Variants in EFCAB5 observed in about 807,000 individuals in gnomAD.
The protein encoded by EFCAB5 is EF-hand calcium binding domain 5, also known as EF-hand calcium-binding domain-containing protein 5.
A neutral mutation model predicts 167.9 loss-of-function variants in EFCAB5; 131 were observed. The observed-to-expected ratio is 0.78, with a 90% CI of 0.68 to 0.90. EFCAB5 has a LOEUF of 0.90. EFCAB5 is among the 40% of genes least tolerant of loss of function. The pLI is 0.00. For synonymous variants in EFCAB5, 574 were observed against 602.8 expected, an observed-to-expected ratio of 0.95 and a Z score of 0.70; for missense variants, 1,663 against 1,745.2, an observed-to-expected ratio of 0.95 and a Z score of 0.84.
chr17:30,103,892 T>A (rs984932403), intron 22 of EFCAB5, among the ~76,000 whole-genome samples: 3 of 152,088 alleles, frequency 2.0e-5, no homozygotes, highest in Non-Finnish European at 2.9e-5. Flanking sequence ...ATGCCTGTAG[T>A]CCCAACTACT....
chr17:30,026,870 C>G (rs888885244), intron 7 of EFCAB5, among the ~76,000 whole-genome samples: 1 of 150,670 alleles, frequency 6.6e-6, no homozygotes, highest in Non-Finnish European at 1.5e-5. Flanking sequence ...ACCGCTATGC[C>G]CAGCAGGGGG....
intron 14 of EFCAB5, among the ~76,000 whole-genome samples, chr17:30,066,633 G>A (rs2070579020): frequency 6.6e-6 from 1 of 151,774 alleles, no homozygotes; most frequent in Non-Finnish European, 1.5e-5. Context: ...GAATAAACCA[G>A]ACCCAAAACT....
chr17:29,946,811 C>T (rs112551085), intron 3 of EFCAB5, among the ~76,000 whole-genome samples: 11 of 152,128 alleles, frequency 7.2e-5, no homozygotes, highest in African/African-American at 2.6e-4. Context: ...TGGGTATCTA[C>T]CCAAAAGAAA....
At chr17:30,073,841 G>A (rs2070807208) in intron 14 of EFCAB5, 1 of 429,780 alleles carries the variant, frequency 2.3e-6, no homozygotes, top group African/African-American at 2.0e-5. Flanking sequence ...CAGGAAGATT[G>A]CTTGAGCCCA....
chr17:30,019,449 T>C (rs572511304), intron 7 of EFCAB5, among the ~76,000 whole-genome samples: 18 of 146,618 alleles, frequency 1.2e-4, no homozygotes, highest in South Asian at 4.3e-4. Flanking sequence ...CCCTCTCTCT[T>C]TTTTTTTTTT....
At chr17:30,054,246 C>A in intron 10 of EFCAB5, 98 bp downstream of exon 10, 1 of 1,422,642 alleles carries the variant, frequency 7.0e-7, no homozygotes, top group South Asian at 1.6e-5. Context: ...AATTTTTTTT[C>A]TGGCATATCA....
intron 14 of EFCAB5, chr17:30,074,320 A>G (rs2070824544): frequency 6.6e-6 from 1 of 152,106 alleles, no homozygotes; most frequent in Non-Finnish European, 1.5e-5. Context: ...CTTTTTGTAG[A>G]GACAAGGTCT....
At chr17:30,102,531 C>T (rs901600541) in intron 22 of EFCAB5, among the ~76,000 whole-genome samples, 11 of 152,178 alleles carry the variant, frequency 7.2e-5, no homozygotes, top group African/African-American at 2.4e-4. Flanking sequence ...CCACCATACC[C>T]GGCCCTTATG....
At chr17:30,081,569 T>C (rs569784031) in intron 17 of EFCAB5, among the ~76,000 whole-genome samples, 3 of 152,330 alleles carry the variant, frequency 2.0e-5, no homozygotes, top group African/African-American at 7.2e-5. Context: ...GGATAGAACT[T>C]GCAATAAAGG....
chr17:30,060,551 A>C (rs1308860242), intron 14 of EFCAB5, among the ~76,000 whole-genome samples: 1 of 152,130 alleles, frequency 6.6e-6, no homozygotes, highest in Non-Finnish European at 1.5e-5. Flanking sequence ...TCAGTTTTTA[A>C]AGTATATAGT....
At chr17:30,042,383 A>G (rs929458260) in intron 8 of EFCAB5, among the ~76,000 whole-genome samples, 2 of 152,120 alleles carry the variant, frequency 1.3e-5, no homozygotes, top group Non-Finnish European at 2.9e-5. Context: ...TATTCATTTT[A>G]TTGCCATTGT....
At chr17:30,085,707 G>A (rs2071075375) in intron 18 of EFCAB5, among the ~76,000 whole-genome samples, 2 of 141,358 alleles carry the variant, frequency 1.4e-5, no homozygotes, top group African/African-American at 2.7e-5. Flanking sequence ...GCGACACAGC[G>A]AGACTCCGTC....
chr17:29,969,150 C>A lies in EFCAB5; in HGVS notation c.550C>A (p.Pro184Thr), dbSNP rs143150190. 1,253 of 1,613,788 alleles carry A rather than the reference C, an allele frequency of 7.8e-4. 9 individuals are homozygous for A. The African/African-American group carries it at 0.014, about 18-fold the overall frequency. Residue 184 changes from proline (P) to threonine (T), a missense_variant, in exon 4 of 23, where the codon CCT becomes ACT. Coordinates refer to ENST00000394835, the MANE Select transcript of EFCAB5 (RefSeq NM_198529.4). Reference sequence around the variant, plus strand: ...TGACAAACTTCTACCCACCTTAGTTCCTGGAGTAGAAAACATGTTAACTCA... The same window carrying A: ...TGACAAACTTCTACCCACCTTAGTTACTGGAGTAGAAAACATGTTAACTCA... ...LLDKLLPTLV[P>T]GVENMLTQVE...
At chr17:30,087,214 G>T in intron 19 of EFCAB5, 48 bp downstream of exon 19, 2 of 1,499,116 alleles carry the variant, frequency 1.3e-6, no homozygotes, top group Non-Finnish European at 1.9e-6. Context: ...CATCCTTCTG[G>T]TACAATAGTA....
chr17:30,022,680 G>A (rs958016188), intron 7 of EFCAB5, among the ~76,000 whole-genome samples: 2 of 151,910 alleles, frequency 1.3e-5, no homozygotes, highest in Non-Finnish European at 2.9e-5. Context: ...ATATACTGAC[G>A]GAAACAATTT....
At chr17:29,955,514 C>G (rs998861383) in intron 3 of EFCAB5, among the ~76,000 whole-genome samples, 1 of 152,098 alleles carries the variant, frequency 6.6e-6, no homozygotes, top group Admixed American at 6.6e-5. Context: ...TCCCCAGCCA[C>G]GTGGAACTGT....
At chr17:29,964,151 C>T (rs577471567) in intron 3 of EFCAB5, among the ~76,000 whole-genome samples, 28 of 152,030 alleles carry the variant, frequency 1.8e-4, no homozygotes, top group Admixed American at 9.2e-4. Context: ...TTCTTTATAG[C>T]GACACAAAAT....
intron 1 of EFCAB5, among the ~76,000 whole-genome samples, chr17:29,933,369 T>C (rs777931408): frequency 9.2e-5 from 14 of 152,250 alleles, no homozygotes; most frequent in Non-Finnish European, 1.2e-4. Flanking sequence ...AAGCATTTGA[T>C]GAAATCTATG....
chr17:30,099,386 C>T (rs2071350115), intron 22 of EFCAB5, among the ~76,000 whole-genome samples: 1 of 151,882 alleles, frequency 6.6e-6, no homozygotes, highest in Non-Finnish European at 1.5e-5. Flanking sequence ...ATGATCGTGC[C>T]ACTGCACTCC....
Sources: allele counts gnomAD v4.1 joint callset (sites outside exome capture counted in the v4.1 genomes callset), GRCh38; gene constraint gnomAD v4.1.1; transcripts MANE v1.5; gene names NCBI Gene and HGNC (gene_info 2026-07-23, HGNC 2026-07-21).